Variants in METTL6 observed in about 807,000 individuals in gnomAD.
METTL6 encodes tRNA N(3)-cytidine methyltransferase METTL6.
Under a neutral mutation model 26.4 loss-of-function variants are expected in METTL6, and 22 were observed. The observed-to-expected ratio is 0.83, with a 90% CI of 0.59 to 1.19. METTL6 has a LOEUF of 1.19. Among genes scored for constraint, METTL6 ranks in the 50% most tolerant of loss-of-function variants. The probability of loss-of-function intolerance (pLI) is 0.00; values close to 1 mark genes in which losing one functional copy is unlikely to be tolerated. For synonymous variants in METTL6, 109 were observed against 116.2 expected (o/e 0.94, Z 0.40); for missense variants, 304 against 324.8 (o/e 0.94, Z 0.49).
At position 15,411,169 on chromosome 3, in the gene METTL6, A is replaced by T; in HGVS notation, c.*87T>A. ...CTCGGCCTCCCGAAGTGCTGGGATT[A>T]CAGGCATGAGCCACCGCACCCAGAC... On this transcript the variant is annotated 3_prime_UTR_variant, in exon 6 of 6. Transcript: ENST00000383790. 7.0e-7 allele frequency: 1 copy of T among 1,430,540 alleles called. No individual in the cohort carries two copies. Among genetic ancestry groups the T allele is most frequent in the Non-Finnish European group, 9.5e-7 (1 of 1,056,422 alleles). 88.6% of individuals were successfully genotyped at this position (1,430,540 alleles called of 1,614,324 possible).
intron 5 of METTL6, chr3:15,413,619 C>T (rs1457070322): frequency 8.5e-7 from 1 of 1,174,696 alleles, no homozygotes; most frequent in African/African-American, 1.6e-5. Flanking sequence ...ATCAATTCTA[C>T]AGAAAAAGGT....
chr3:15,420,029 T>G (rs577166037), intron 3 of METTL6, among the ~76,000 whole-genome samples: 1 of 152,056 alleles, frequency 6.6e-6, no homozygotes, highest in South Asian at 2.1e-4. Context: ...GCCCGGCTAA[T>G]TTTTGTATTT....
At chr3:15,415,369 C>A in intron 4 of METTL6, 1 of 827,024 alleles carries the variant, frequency 1.2e-6, no homozygotes, top group Non-Finnish European at 1.9e-6. Flanking sequence ...GTTGGCCAGG[C>A]TGGTTTCAAA....
downstream of METTL6, among the ~76,000 whole-genome samples, chr3:15,406,012 T>A (rs1268123873): frequency 6.7e-6 from 1 of 149,254 alleles, no homozygotes; most frequent in African/African-American, 2.6e-5. Flanking sequence ...TGTGTATGTG[T>A]ATATATATAT....
intron 6 of METTL6, among the ~76,000 whole-genome samples, chr3:15,399,769 A>C (rs1055963152): frequency 2.0e-5 from 3 of 152,104 alleles, no homozygotes; most frequent in African/African-American, 7.2e-5. Context: ...CCTCACCATG[A>C]CATTCAGGGA....
intron 6 of METTL6, among the ~76,000 whole-genome samples, chr3:15,397,329 G>A (rs140174012): frequency 0.027 from 4,173 of 152,270 alleles, 172 homozygotes; most frequent in African/African-American, 0.094. Flanking sequence ...TAAGACTGTC[G>A]GAAAAGCGCA....
chr3:15,426,770 C>A, intron 1 of METTL6, 135 bp from the exon 2 acceptor site: 1 of 522,360 alleles, frequency 1.9e-6, no homozygotes, highest in Non-Finnish European at 3.4e-6. Context: ...ACAAAGAAGA[C>A]AAACACACAG....
In METTL6 at chr3:15,410,932, G is replaced by A. The variant is rs147521336; in HGVS notation, c.*324C>T. The A allele has an allele frequency of 4.0e-4, 82 of 207,544 alleles. 2 individuals are homozygous for A. In the East Asian group the frequency reaches 7.9e-3, roughly 20 times the overall value. 12.9% of individuals were successfully genotyped at this position (207,544 alleles called of 1,614,324 possible). A position where few individuals can be genotyped will look rare whatever the true frequency, so the allele number is the denominator to read the frequency against. ...TTATGAAACAGGGTCTCACTCTGTCGCCCAGGCTGGAGTGCAATGGCATGA... is the reference window on the plus strand; with the variant it reads ...TTATGAAACAGGGTCTCACTCTGTCACCCAGGCTGGAGTGCAATGGCATGA... On this transcript the variant is annotated 3_prime_UTR_variant, in exon 6 of 6. Transcript: ENST00000383790.
In METTL6 at chr3:15,388,612, G is replaced by T. The variant is rs76561163; in HGVS notation, c.*12-4425C>A. On this transcript the variant is annotated intron_variant, in intron 6 of 6. Transcript: ENST00000443029. Reference sequence around the variant, plus strand: ...TGCCAGTTGATCCATCAAGTGCAGGGTCTGCAGAACATCTGAGCACTGATC... The same window carrying T: ...TGCCAGTTGATCCATCAAGTGCAGGTTCTGCAGAACATCTGAGCACTGATC... Among the ~76,000 whole-genome samples the T allele has an allele frequency of 9.4e-3, 1,436 of 152,262 alleles. 32 individuals carry two copies. Among genetic ancestry groups the T allele is most frequent in the African/African-American group, 0.033 (1,373 of 41,544 alleles).
At chr3:15,426,196 C>A in intron 2 of METTL6, 91 bp downstream of exon 2, 1 of 1,293,664 alleles carries the variant, frequency 7.7e-7, no homozygotes, top group Non-Finnish European at 1.1e-6. Flanking sequence ...GCCTTGGCCT[C>A]CCCAAGTACT....
At chr3:15,407,526 T>C (rs1193478199), downstream of METTL6, among the ~76,000 whole-genome samples, 3 of 152,218 alleles carry the variant, frequency 2.0e-5, no homozygotes, top group African/African-American at 7.2e-5. Flanking sequence ...AAGTCATTCT[T>C]ACTTGTCTCT....
At chr3:15,404,719 A>G (rs1225346966) in intron 6 of METTL6, among the ~76,000 whole-genome samples, 1 of 152,060 alleles carries the variant, frequency 6.6e-6, no homozygotes, top group Non-Finnish European at 1.5e-5. Flanking sequence ...GCTGGAGTGC[A>G]GTGGCTGGTT....
At position 15,411,353 on chromosome 3, in the gene METTL6, T is replaced by C. The variant is rs1033950560; in HGVS notation, c.758A>G (p.Glu253Gly). The C allele has an allele frequency of 8.7e-6, 14 of 1,614,106 alleles. No individual in the cohort carries two copies. Among genetic ancestry groups the C allele is most frequent in the Non-Finnish European group, 1.2e-5 (14 of 1,180,056 alleles). Residue 253 changes from glutamate (E) to glycine (G), a missense_variant, in exon 6 of 6, where the codon GAA (glutamate) becomes GGA (glycine). Coordinates refer to ENST00000383790, the MANE Select transcript of METTL6 (RefSeq NM_152396.4). Reference protein sequence around the residue: ...YVFRETVNKKEGLCVPRVFLQ... With the variant: ...YVFRETVNKKGGLCVPRVFLQ... ...GAAAACTCTTGGCACACACAGGCCT[T>C]CTTTTTTATTCACCGTCTCTCGAAA...
chr3:15,404,364 C>G (rs1015819098), intron 6 of METTL6, among the ~76,000 whole-genome samples: 1 of 152,064 alleles, frequency 6.6e-6, no homozygotes, highest in East Asian at 1.9e-4. Context: ...TTATTTGAGA[C>G]GGAGTTTTGC....
At position 15,421,378 on chromosome 3, in the gene METTL6, G is replaced by A. The variant is rs573833695; in HGVS notation, c.360+3577C>T. Among the ~76,000 whole-genome samples the A allele has an allele frequency of 2.6e-5, 4 of 152,332 alleles. No homozygotes were observed. The South Asian group carries it at 8.3e-4, about 32-fold the overall frequency. ...AGAAGGACAAGTCAAACTGTAAACT[G>A]CTTGTGATTGTGGATGACTGTTCTT... On this transcript the variant is annotated intron_variant, in intron 3 of 5. Coordinates refer to ENST00000383790, the MANE Select transcript of METTL6 (RefSeq NM_152396.4).
intron 6 of METTL6, among the ~76,000 whole-genome samples, chr3:15,388,942 T>A (rs574576831): frequency 8.5e-5 from 13 of 152,224 alleles, no homozygotes; most frequent in Non-Finnish European, 1.8e-4. Flanking sequence ...ACTGTCTCAG[T>A]TATAATTTTG....
At chr3:15,404,877 T>TA (rs1315865263), downstream of METTL6, among the ~76,000 whole-genome samples, 1 of 152,164 alleles carries the variant, frequency 6.6e-6, no homozygotes, top group African/African-American at 2.4e-5. Flanking sequence ...TTGGTTTCAG[T>TA]AGCAGAACTT....
intron 3 of METTL6, among the ~76,000 whole-genome samples, chr3:15,418,529 T>C (rs1032986743): frequency 1.3e-5 from 2 of 152,052 alleles, no homozygotes; most frequent in Non-Finnish European, 2.9e-5. Context: ...GAATAAACCC[T>C]ATAACAACAG....
chr3:15,414,415 G>C, intron 4 of METTL6: 1 of 1,047,772 alleles, frequency 9.5e-7, no homozygotes, highest in East Asian at 5.7e-5. Flanking sequence ...GAGTGCAGTG[G>C]CATAATCTCA....
Sources: gnomAD v4.1 joint callset for allele counts (sites outside exome capture counted in the v4.1 genomes callset) on GRCh38, gnomAD v4.1.1 for gene constraint, MANE v1.5 for transcripts, NCBI Gene and HGNC (gene_info 2026-07-23, HGNC 2026-07-21) for gene names.